Variants in SPAG16 observed in about 807,000 individuals in gnomAD.
SPAG16 encodes the protein sperm-associated antigen 16 protein.
SPAG16 carries 86 observed loss-of-function variants against 80.4 expected under a neutral mutation model. The observed-to-expected ratio is 1.07, with a 90% confidence interval of 0.90 to 1.28. SPAG16 has a LOEUF of 1.28. Among genes scored for constraint, SPAG16 ranks in the 50% most tolerant of loss-of-function variants. The pLI, the probability that SPAG16 is intolerant of heterozygous loss-of-function variation, is 0.00. For missense variants in SPAG16, 870 were observed against 765.3 expected (o/e 1.14, Z -1.61); for synonymous variants, 294 against 265.9 (o/e 1.11, Z -1.03).
chr2:214,070,943 A>G (rs1356678754), intron 13 of SPAG16, among the ~76,000 whole-genome samples: 1 of 152,130 alleles, frequency 6.6e-6, no homozygotes, highest in African/African-American at 2.4e-5. Flanking sequence ...AGTTATAAAA[A>G]TATGGCTGAG....
At chr2:214,239,958 T>C (rs1689349619) in intron 15 of SPAG16, 1 of 151,912 alleles carries the variant, frequency 6.6e-6, no homozygotes, top group Admixed American at 6.6e-5. Flanking sequence ...TAGTAGGAAA[T>C]GTTACCCATC....
intron 15 of SPAG16, among the ~76,000 whole-genome samples, chr2:214,285,552 T>C (rs1324822498): frequency 6.6e-6 from 1 of 152,198 alleles, no homozygotes; most frequent in Non-Finnish European, 1.5e-5. Flanking sequence ...CTCACACCTG[T>C]AATCCTAGCA....
At chr2:213,887,625 CA>C (rs1309171656) in intron 11 of SPAG16, among the ~76,000 whole-genome samples, 1 of 151,452 alleles carries the variant, frequency 6.6e-6, no homozygotes, top group Non-Finnish European at 1.5e-5. Context: ...TACCTTTTTT[CA>C]GGTGAATTCA....
intron 9 of SPAG16, among the ~76,000 whole-genome samples, chr2:213,432,363 A>G (rs1271774207): frequency 3.3e-5 from 5 of 152,130 alleles, no homozygotes; most frequent in Admixed American, 3.3e-4. Context: ...CAAGAAAAGA[A>G]GTGAGAAGAT....
intron 5 of SPAG16, chr2:213,317,560 G>A (rs2063449819): frequency 4.9e-6 from 6 of 1,233,504 alleles, no homozygotes; most frequent in Middle Eastern, 6.4e-4. Context: ...CAACAAGAAG[G>A]GAATGCAGGT....
intron 10 of SPAG16, among the ~76,000 whole-genome samples, chr2:213,655,831 A>C (rs2063202183): frequency 6.6e-6 from 1 of 152,214 alleles, no homozygotes; most frequent in African/African-American, 2.4e-5. Context: ...ATAGAACTTA[A>C]TTGCATTGCA....
At chr2:213,501,784 G>T (rs2074752640) in intron 10 of SPAG16, among the ~76,000 whole-genome samples, 2 of 152,264 alleles carry the variant, frequency 1.3e-5, no homozygotes, top group Non-Finnish European at 2.9e-5. Flanking sequence ...ATTAAAAATA[G>T]ATATTGGACT....
At chr2:213,500,509 G>A (rs745577488) in intron 10 of SPAG16, among the ~76,000 whole-genome samples, 2 of 152,104 alleles carry the variant, frequency 1.3e-5, no homozygotes, top group African/African-American at 4.8e-5. Context: ...TTTTCTTCAC[G>A]CATTCAATGG....
intron 9 of SPAG16, among the ~76,000 whole-genome samples, chr2:213,472,722 A>G (rs2073150136): frequency 6.6e-6 from 1 of 151,994 alleles, no homozygotes; most frequent in African/African-American, 2.4e-5. Context: ...CACAATTCAG[A>G]CCTGAGCTAA....
At chr2:213,464,998 G>A (rs2072600939) in intron 9 of SPAG16, among the ~76,000 whole-genome samples, 1 of 152,054 alleles carries the variant, frequency 6.6e-6, no homozygotes, top group Non-Finnish European at 1.5e-5. Context: ...CAGAAATCTG[G>A]GGTACTCTAA....
intron 10 of SPAG16, among the ~76,000 whole-genome samples, chr2:213,807,507 A>G (rs545270804): frequency 9.2e-5 from 14 of 152,260 alleles, no homozygotes; most frequent in African/African-American, 3.4e-4. Context: ...TTATTCTAGT[A>G]CATTCCCTTT....
intron 13 of SPAG16, among the ~76,000 whole-genome samples, chr2:214,070,638 A>G (rs537517571): frequency 1.3e-5 from 2 of 152,194 alleles, no homozygotes; most frequent in South Asian, 4.1e-4. Flanking sequence ...TCTTTTTAGC[A>G]TCAAATGAGC....
chr2:213,428,418 T>C (rs1313861083), intron 9 of SPAG16, among the ~76,000 whole-genome samples: 1 of 152,150 alleles, frequency 6.6e-6, no homozygotes, highest in Non-Finnish European at 1.5e-5. Context: ...TGGGACCTGA[T>C]AGAAAAATGT....
At chr2:214,116,114 C>T (rs1304278681) in intron 14 of SPAG16, among the ~76,000 whole-genome samples, 3 of 152,160 alleles carry the variant, frequency 2.0e-5, no homozygotes, top group African/African-American at 7.2e-5. Flanking sequence ...TCCCAAAGGG[C>T]TTGGCTAGAT....
intron 15 of SPAG16, among the ~76,000 whole-genome samples, chr2:214,305,872 T>C (rs1267293131): frequency 6.7e-6 from 1 of 149,904 alleles, no homozygotes; most frequent in African/African-American, 2.5e-5. Flanking sequence ...TTTGGTTCTA[T>C]CTGAATTTTA....
At chr2:213,962,660 A>G (rs2044507864) in intron 12 of SPAG16, among the ~76,000 whole-genome samples, 2 of 152,256 alleles carry the variant, frequency 1.3e-5, no homozygotes, top group African/African-American at 2.4e-5. Context: ...TGTGAGAAAT[A>G]AATTTCTGTT....
At chr2:214,166,211 G>A (rs12052858) in intron 15 of SPAG16, among the ~76,000 whole-genome samples, 22,601 of 152,070 alleles carry the variant, frequency 0.15, 2,330 homozygotes, top group East Asian at 0.26. Context: ...AGATAGAGAG[G>A]TATATAGACA....
At chr2:214,397,547 T>C (rs1351959921) in intron 15 of SPAG16, among the ~76,000 whole-genome samples, 2 of 152,208 alleles carry the variant, frequency 1.3e-5, no homozygotes, top group African/African-American at 4.8e-5. Flanking sequence ...ACTTTACCCC[T>C]ACCTTCCCTG....
chr2:214,354,100 C>G (rs936324147), intron 15 of SPAG16, among the ~76,000 whole-genome samples: 1 of 83,942 alleles, frequency 1.2e-5, no homozygotes, highest in Non-Finnish European at 3.6e-5. Context: ...TATATGTACC[C>G]CATAAATATA....
Sources: gnomAD v4.1 joint callset for allele counts (sites outside exome capture counted in the v4.1 genomes callset) on GRCh38, gnomAD v4.1.1 for gene constraint, MANE v1.5 for transcripts, NCBI Gene and HGNC (gene_info 2026-07-23, HGNC 2026-07-21) for gene names.